Variants in LINC00305 observed in about 807,000 individuals in gnomAD.
The protein encoded by LINC00305 is long independently transcribed non-coding RNA 305, also known as long intergenic non-protein coding RNA 305.
chr18:64,135,005 T>C (rs959980192), intron 1 of LINC00305, among the ~76,000 whole-genome samples: 6 of 152,192 alleles, frequency 3.9e-5, no homozygotes, highest in African/African-American at 9.7e-5. Flanking sequence ...CCAAAGTTTA[T>C]TGTCTCATGG....
chr18:64,144,550 C>T (rs559274812), intron 1 of LINC00305, among the ~76,000 whole-genome samples: 9 of 151,830 alleles, frequency 5.9e-5, no homozygotes, highest in Admixed American at 2.6e-4. Context: ...CTTTTGTTGC[C>T]CAGGCTGGAG....
intron 1 of LINC00305, among the ~76,000 whole-genome samples, chr18:64,139,293 A>G (rs72949536): frequency 0.01 from 1,598 of 152,340 alleles, 16 homozygotes; most frequent in Non-Finnish European, 0.018. Context: ...GCCTATTCAC[A>G]TAATTAAGGA....
intron 3 of LINC00305, among the ~76,000 whole-genome samples, chr18:64,095,745 G>C (rs1568105537): frequency 6.6e-6 from 1 of 152,086 alleles, no homozygotes; most frequent in Non-Finnish European, 1.5e-5. Context: ...AGAAATAGCA[G>C]ATAGAATACA....
chr18:64,133,095 T>C (rs2051417317), intron 1 of LINC00305, among the ~76,000 whole-genome samples: 4 of 152,308 alleles, frequency 2.6e-5, no homozygotes, highest in Admixed American at 1.3e-4. Context: ...TACATCCCTT[T>C]GCTCATTACC....
chr18:64,102,503 G>A (rs2051271229), intron 1 of LINC00305, among the ~76,000 whole-genome samples: 1 of 152,092 alleles, frequency 6.6e-6, no homozygotes, highest in Non-Finnish European at 1.5e-5. Flanking sequence ...ATAAAGAACT[G>A]AAGAGACATA....
chr18:64,097,987 A>C (rs1165778877), exon 3 of LINC00305: 2 of 457,840 alleles, frequency 4.4e-6, no homozygotes, highest in Admixed American at 4.7e-5. Context: ...CAGGTCGCAG[A>C]GATGGCTACT....
intron 3 of LINC00305, among the ~76,000 whole-genome samples, chr18:64,087,986 G>T (rs542835717): frequency 6.6e-6 from 1 of 152,106 alleles, no homozygotes; most frequent in Non-Finnish European, 1.5e-5. Context: ...AGCCAGGCGT[G>T]GTGGCGGGCG....
intron 1 of LINC00305, among the ~76,000 whole-genome samples, chr18:64,124,459 C>A (rs2051376234): frequency 6.6e-6 from 1 of 152,118 alleles, no homozygotes; most frequent in Non-Finnish European, 1.5e-5. Flanking sequence ...TGTCTCCATG[C>A]TCTGCCAGGT....
intron 3 of LINC00305, among the ~76,000 whole-genome samples, chr18:64,082,401 C>G (rs2051188438): frequency 6.6e-6 from 1 of 152,206 alleles, no homozygotes. Flanking sequence ...CCTTAAAAAA[C>G]CTCAGTCTCC....
chr18:64,136,218 C>A (rs2051433145), intron 1 of LINC00305, among the ~76,000 whole-genome samples: 1 of 152,142 alleles, frequency 6.6e-6, no homozygotes, highest in Non-Finnish European at 1.5e-5. Context: ...TGATACAGGA[C>A]TTGTTTAGGT....
chr18:64,102,687 G>C (rs989142372), intron 1 of LINC00305, among the ~76,000 whole-genome samples: 6 of 152,144 alleles, frequency 3.9e-5, no homozygotes, highest in African/African-American at 1.4e-4. Context: ...TGCTTCTAGG[G>C]AGACCTCAGG....
At chr18:64,097,215 T>A (rs1229367608) in intron 3 of LINC00305, among the ~76,000 whole-genome samples, 1 of 152,118 alleles carries the variant, frequency 6.6e-6, no homozygotes, top group Non-Finnish European at 1.5e-5. Flanking sequence ...TATGCAGCCA[T>A]GAAAGATGTA....
chr18:64,090,388 T>C (rs1016881260), intron 3 of LINC00305, among the ~76,000 whole-genome samples: 1 of 152,204 alleles, frequency 6.6e-6, no homozygotes, highest in South Asian at 2.1e-4. Context: ...TCTCCTGGTG[T>C]TCCTGTTAAG....
At chr18:64,136,970 C>A (rs2051437649) in intron 1 of LINC00305, among the ~76,000 whole-genome samples, 2 of 152,146 alleles carry the variant, frequency 1.3e-5, no homozygotes. Context: ...TGCATAGCGT[C>A]CACCTGCACC....
intron 3 of LINC00305, among the ~76,000 whole-genome samples, chr18:64,093,019 TG>T (rs1365311297): frequency 6.6e-6 from 1 of 152,168 alleles, no homozygotes; most frequent in African/African-American, 2.4e-5. Context: ...TTTAAATGGC[TG>T]TGGAGGACAG....
chr18:64,145,705 C>T (rs545024907), intron 1 of LINC00305, among the ~76,000 whole-genome samples: 21 of 152,234 alleles, frequency 1.4e-4, no homozygotes, highest in African/African-American at 4.6e-4. Flanking sequence ...CATGAGCCAC[C>T]GCATCTGGCC....
intron 3 of LINC00305, among the ~76,000 whole-genome samples, chr18:64,081,671 G>A (rs2051185534): frequency 6.6e-6 from 1 of 152,164 alleles, no homozygotes; most frequent in Non-Finnish European, 1.5e-5. Context: ...AATTTGAGTA[G>A]TTAAGTAGTT....
intron 1 of LINC00305, among the ~76,000 whole-genome samples, chr18:64,115,022 C>T (rs1282389186): frequency 6.6e-6 from 1 of 152,182 alleles, no homozygotes; most frequent in Non-Finnish European, 1.5e-5. Flanking sequence ...GTGATGCACC[C>T]ATTTGTCGTC....
chr18:64,083,945 CT>C (rs1432150789), intron 3 of LINC00305, among the ~76,000 whole-genome samples: 8 of 152,278 alleles, frequency 5.3e-5, no homozygotes, highest in Middle Eastern at 3.4e-3. Flanking sequence ...GGGAGAGTTC[CT>C]GTAGGGAGGA....
Sources: gnomAD v4.1 joint callset for allele counts (sites outside exome capture counted in the v4.1 genomes callset) on GRCh38, gnomAD v4.1.1 for gene constraint, MANE v1.5 for transcripts, NCBI Gene and HGNC (gene_info 2026-07-23, HGNC 2026-07-21) for gene names.